The following TMEM132B variants were observed in gnomAD, a reference collection of about 807,000 sequenced individuals.
TMEM132B encodes the protein transmembrane protein 132B.
A neutral mutation model predicts 90.8 loss-of-function variants in TMEM132B; 18 were observed. The ratio of observed to expected loss-of-function variants is 0.20; its 90% CI spans 0.14 to 0.29. The LOEUF is 0.29. Ranked by LOEUF, TMEM132B falls within the 10% of genes least tolerant of loss-of-function variation. The pLI, the probability that TMEM132B is intolerant of heterozygous loss-of-function variation, is 1.00. For synonymous variants in TMEM132B, 504 were observed against 523.3 expected, an observed-to-expected ratio of 0.96 and a Z score of 0.50; for missense variants, 1,096 against 1,326.8, an observed-to-expected ratio of 0.83 and a Z score of 2.70.
At position 125,608,512 on chromosome 12, in the gene TMEM132B, C is replaced by T. The variant is rs145269984; in HGVS notation, c.1437+24518C>T. Among the ~76,000 whole-genome samples, 1,508 of 152,216 alleles carry T rather than the reference C, an allele frequency of 9.9e-3. 9 individuals carry two copies. The highest frequency in any genetic ancestry group is 0.027 in the Middle Eastern group (8 of 294). ...GATTAGCAAATATTTTCTCCCATCC[C>T]GTGGGTTGTCCTTTCATTTTTCTGA... is the stretch of plus-strand genomic sequence containing the variant. On this transcript the variant is annotated intron_variant, in intron 5 of 8. Transcript: ENST00000682704.
Position 125,304,206 on chromosome 12 carries a change from C to T in TMEM132B, c.68-45246C>T, listed in dbSNP as rs184923201. Reference sequence around the variant, plus strand: ...ACAGGAGGCGGAGCTCAGGTGGTAACGTGAGCGATGGGGAGCGGCGGTAAA... The same window carrying T: ...ACAGGAGGCGGAGCTCAGGTGGTAATGTGAGCGATGGGGAGCGGCGGTAAA... On this transcript the variant is annotated intron_variant, in intron 1 of 8. Coordinates refer to ENST00000682704, the MANE Select transcript of TMEM132B (RefSeq NM_001366854.1). 1.5e-4 allele frequency among the ~76,000 whole-genome samples: 23 copies of T among 152,342 alleles called. 1 individual carries two copies. Among genetic ancestry groups the T allele is most frequent in the Admixed American group, 1.2e-3 (19 of 15,298 alleles).
chr12:125,433,847 C>T lies in TMEM132B; in HGVS notation c.1106+18170C>T, dbSNP rs138891734. 4.6e-5 allele frequency among the ~76,000 whole-genome samples: 7 copies of T among 152,066 alleles called. No homozygotes were observed. In the East Asian group the frequency reaches 5.8e-4, roughly 13 times the overall value. Reference sequence around the variant, plus strand: ...ACGCCGAAGCCTTTTTCTTAAAGTTCGCAATGTAATGCCATGTAATTATCT... The same window carrying T: ...ACGCCGAAGCCTTTTTCTTAAAGTTTGCAATGTAATGCCATGTAATTATCT... On this transcript the variant is annotated intron_variant, in intron 3 of 8. Transcript: ENST00000682704.
At chr12:125,537,474 TTGTTGGTC>T (rs1883837010) in intron 4 of TMEM132B, among the ~76,000 whole-genome samples, 1 of 152,162 alleles carries the variant, frequency 6.6e-6, no homozygotes, top group Admixed American at 6.5e-5. Flanking sequence ...GGCTGCCTTG[TTGTTGGTC>T]TGTGGCCTTC....
intron 1 of TMEM132B, among the ~76,000 whole-genome samples, chr12:125,308,137 T>C (rs1036916061): frequency 9.9e-6 from 1 of 100,774 alleles, no homozygotes; most frequent in Non-Finnish European, 2.2e-5. Flanking sequence ...CATAAGTATA[T>C]ACATATACTA....
chr12:125,402,409 T>G (rs1225358368), intron 2 of TMEM132B, among the ~76,000 whole-genome samples: 1 of 152,184 alleles, frequency 6.6e-6, no homozygotes, highest in African/African-American at 2.4e-5. Flanking sequence ...ACTCCTCACC[T>G]CAGGTGACCT....
At chr12:125,197,479 C>T (rs916489910) in intron 1 of TMEM132B, among the ~76,000 whole-genome samples, 2 of 152,190 alleles carry the variant, frequency 1.3e-5, no homozygotes, top group Admixed American at 1.3e-4. Context: ...CATCAGCAAG[C>T]CATAGGCCAC....
intron 5 of TMEM132B, among the ~76,000 whole-genome samples, chr12:125,600,193 G>C (rs1161834366): frequency 2.6e-5 from 4 of 152,174 alleles, no homozygotes; most frequent in Admixed American, 2.6e-4. Context: ...ATTCTCTTCT[G>C]TCTATCCAAG....
chr12:125,515,449 A>G (rs1420700149), intron 3 of TMEM132B, among the ~76,000 whole-genome samples: 2 of 149,894 alleles, frequency 1.3e-5, no homozygotes, highest in African/African-American at 2.5e-5. Context: ...ACACATTCAC[A>G]CATTCCCTCA....
chr12:125,453,378 A>G (rs1881208471), intron 3 of TMEM132B, among the ~76,000 whole-genome samples: 1 of 152,188 alleles, frequency 6.6e-6, no homozygotes, highest in South Asian at 2.1e-4. Flanking sequence ...AATGGATCGC[A>G]GTGTGTCTGT....
At chr12:125,289,384 C>CA (rs144964567) in intron 1 of TMEM132B, among the ~76,000 whole-genome samples, 2,407 of 152,284 alleles carry the variant, frequency 0.016, 62 homozygotes, top group African/African-American at 0.055. Flanking sequence ...CACAAGAACC[C>CA]ACCTGCCATG....
At chr12:125,547,388 CTGAG>C (rs1884118095) in intron 4 of TMEM132B, among the ~76,000 whole-genome samples, 3 of 152,176 alleles carry the variant, frequency 2.0e-5, no homozygotes, top group Admixed American at 6.5e-5. Context: ...TCTCTGATGA[CTGAG>C]TATGTTAAAT....
At chr12:125,412,046 G>A (rs112179250) in intron 2 of TMEM132B, among the ~76,000 whole-genome samples, 21 of 152,256 alleles carry the variant, frequency 1.4e-4, no homozygotes, top group African/African-American at 4.8e-4. Flanking sequence ...ATGCTCTATG[G>A]AAGATTTGGA....
chr12:125,338,539 C>T (rs1409777955), intron 1 of TMEM132B, among the ~76,000 whole-genome samples: 1 of 152,190 alleles, frequency 6.6e-6, no homozygotes, highest in Admixed American at 6.5e-5. Flanking sequence ...GAGTGGGTGT[C>T]TCATCTTCAG....
At chr12:125,317,292 A>G in intron 1 of TMEM132B, among the ~76,000 whole-genome samples, 1 of 152,094 alleles carries the variant, frequency 6.6e-6, no homozygotes, top group East Asian at 1.9e-4. Flanking sequence ...GCACCGTGTG[A>G]CTATTAGGCA....
intron 1 of TMEM132B, among the ~76,000 whole-genome samples, chr12:125,227,357 A>C (rs1489303802): frequency 6.6e-6 from 1 of 152,132 alleles, no homozygotes; most frequent in Non-Finnish European, 1.5e-5. Context: ...CATTTTATAG[A>C]TGGGGAAAAT....
intron 4 of TMEM132B, among the ~76,000 whole-genome samples, chr12:125,580,472 G>T (rs1885031128): frequency 6.6e-6 from 1 of 152,120 alleles, no homozygotes; most frequent in African/African-American, 2.4e-5. Flanking sequence ...TTGGGAATGA[G>T]GTTTTGAAAG....
intron 1 of TMEM132B, among the ~76,000 whole-genome samples, chr12:125,310,751 A>T (rs7971503): frequency 6.6e-6 from 1 of 151,936 alleles, no homozygotes; most frequent in African/African-American, 2.4e-5. Context: ...CCCCCACGGT[A>T]GTTCTGGGTC....
chr12:125,240,160 C>A (rs1033855392), intron 1 of TMEM132B, among the ~76,000 whole-genome samples: 1 of 152,182 alleles, frequency 6.6e-6, no homozygotes, highest in African/African-American at 2.4e-5. Context: ...CTGGGAAAAA[C>A]AACTCTGCTT....
rs548859746 is a variant in TMEM132B at position 125,197,475 on chromosome 12, C to G, written c.67+10609C>G. Among the ~76,000 whole-genome samples, 211 of 152,328 alleles carry G rather than the reference C, an allele frequency of 1.4e-3. 2 individuals are homozygous for G. The highest frequency in any genetic ancestry group is 4.9e-3 in the African/African-American group (205 of 41,572). The stretch of plus-strand genomic sequence containing the variant: ...CTGTACCCTTTAATCCAGGCATCAG[C>G]AAGCCATAGGCCACGGACCAAATTT... On this transcript the variant is annotated intron_variant, in intron 1 of 8. Transcript: ENST00000682704.
Sources: gnomAD v4.1 joint callset for allele counts (sites outside exome capture counted in the v4.1 genomes callset) on GRCh38, gnomAD v4.1.1 for gene constraint, MANE v1.5 for transcripts, NCBI Gene and HGNC (gene_info 2026-07-23, HGNC 2026-07-21) for gene names.